Variants in ARHGAP15 observed in about 807,000 individuals in gnomAD.
ARHGAP15 encodes the protein Rho GTPase activating protein 15, also known as rho GTPase-activating protein 15.
In ARHGAP15, 51 loss-of-function variants were observed where a neutral mutation model predicts 63.7. The ratio of observed to expected loss-of-function variants is 0.80; its 90% CI spans 0.64 to 1.01. ARHGAP15 has a LOEUF of 1.01. Among genes scored for constraint, ARHGAP15 ranks in the 50% least tolerant of loss-of-function variants. ARHGAP15 has a pLI of 0.00. For missense variants in ARHGAP15, 560 were observed against 564.6 expected, an observed-to-expected ratio of 0.99 and a Z score of 0.08; for synonymous variants, 191 against 193.8, an observed-to-expected ratio of 0.99 and a Z score of 0.12.
At chr2:143,696,830 A>G (rs756034579) in intron 12 of ARHGAP15, among the ~76,000 whole-genome samples, 1 of 152,228 alleles carries the variant, frequency 6.6e-6, no homozygotes, top group Non-Finnish European at 1.5e-5. Context: ...CTCCCTAGAG[A>G]AAGAAATGTC....
chr2:143,439,736 C>T (rs2105101672), intron 8 of ARHGAP15, among the ~76,000 whole-genome samples: 2 of 152,032 alleles, frequency 1.3e-5, no homozygotes, highest in Non-Finnish European at 2.9e-5. Context: ...GTTTCAAACC[C>T]AAGCAGTCTT....
intron 2 of ARHGAP15, among the ~76,000 whole-genome samples, chr2:143,166,465 G>T (rs774387072): frequency 2.0e-5 from 3 of 151,934 alleles, no homozygotes; most frequent in Non-Finnish European, 4.4e-5. Context: ...TCCTTTGAAG[G>T]CTGGGGACAT....
chr2:143,527,886 G>C (rs557653370), intron 10 of ARHGAP15, among the ~76,000 whole-genome samples: 1 of 152,128 alleles, frequency 6.6e-6, no homozygotes, highest in South Asian at 2.1e-4. Context: ...ATCACCAACA[G>C]TTGTTGGTTG....
chr2:143,658,365 T>G (rs1681568773), intron 12 of ARHGAP15, among the ~76,000 whole-genome samples: 1 of 152,260 alleles, frequency 6.6e-6, no homozygotes, highest in African/African-American at 2.4e-5. Context: ...GCCTATACTC[T>G]TAACCATTAT....
At chr2:143,610,167 T>C (rs141453971) in intron 11 of ARHGAP15, among the ~76,000 whole-genome samples, 2 of 152,196 alleles carry the variant, frequency 1.3e-5, no homozygotes, top group African/African-American at 4.8e-5. Flanking sequence ...CCTCGAATGA[T>C]GGAATTAGAA....
At chr2:143,170,542 C>A (rs573704521) in intron 2 of ARHGAP15, among the ~76,000 whole-genome samples, 24 of 152,184 alleles carry the variant, frequency 1.6e-4, no homozygotes, top group African/African-American at 5.5e-4. Context: ...TGACCCTAAG[C>A]CCTGAAACTC....
intron 6 of ARHGAP15, among the ~76,000 whole-genome samples, chr2:143,287,346 A>T (rs1682156542): frequency 6.6e-6 from 1 of 152,114 alleles, no homozygotes; most frequent in Admixed American, 6.6e-5. Flanking sequence ...CCTTTCTCAA[A>T]ATCCATCTTG....
rs138528034 is a variant in ARHGAP15, at chr2:143,595,154, C to T, written c.1004-28979C>T. Among the ~76,000 whole-genome samples the T allele has an allele frequency of 2.1e-3, 316 of 152,140 alleles. 1 individual carries two copies. Among genetic ancestry groups the T allele is most frequent in the African/African-American group, 6.7e-3 (279 of 41,514 alleles). Reference sequence around the variant, plus strand: ...AAAGCTAAATTGGTAAATACTTATTCGAACATTGTTTAGATTTATCCCATC... The same window carrying T: ...AAAGCTAAATTGGTAAATACTTATTTGAACATTGTTTAGATTTATCCCATC... On this transcript the variant is annotated intron_variant, in intron 11 of 13. Transcript: ENST00000295095.
chr2:143,199,163 TAA>T (rs984305123), intron 2 of ARHGAP15, among the ~76,000 whole-genome samples: 1 of 152,180 alleles, frequency 6.6e-6, no homozygotes, highest in Non-Finnish European at 1.5e-5. Flanking sequence ...GGATAATTAA[TAA>T]GTGTGAATTT....
chr2:143,414,795 T>C (rs1167353187), intron 6 of ARHGAP15, among the ~76,000 whole-genome samples: 1 of 152,052 alleles, frequency 6.6e-6, no homozygotes, highest in African/African-American at 2.4e-5. Flanking sequence ...TAGCCGGGCG[T>C]GGTGGCGCAT....
intron 6 of ARHGAP15, among the ~76,000 whole-genome samples, chr2:143,366,669 A>C (rs1686305710): frequency 6.6e-6 from 1 of 152,096 alleles, no homozygotes; most frequent in Non-Finnish European, 1.5e-5. Context: ...TCAGTTTATT[A>C]TTTGAAGATT....
intron 6 of ARHGAP15, among the ~76,000 whole-genome samples, chr2:143,346,228 A>T (rs1301526101): frequency 7.2e-6 from 1 of 139,502 alleles, no homozygotes; most frequent in Admixed American, 8.4e-5. Flanking sequence ...TCTCACACAC[A>T]CTCTCTCTCA....
intron 10 of ARHGAP15, among the ~76,000 whole-genome samples, chr2:143,547,867 A>G (rs1056427337): frequency 1.3e-5 from 2 of 152,052 alleles, no homozygotes; most frequent in African/African-American, 4.8e-5. Flanking sequence ...TGATAATAGT[A>G]AAAAGCAAGA....
chr2:143,695,480 T>A (rs1683801027), intron 12 of ARHGAP15, among the ~76,000 whole-genome samples: 1 of 152,004 alleles, frequency 6.6e-6, no homozygotes, highest in Non-Finnish European at 1.5e-5. Context: ...AACTGAGGAG[T>A]GCAAGTTTGG....
chr2:143,710,051 G>A (rs1311769468), intron 13 of ARHGAP15, among the ~76,000 whole-genome samples: 3 of 152,158 alleles, frequency 2.0e-5, no homozygotes, highest in African/African-American at 7.2e-5. Flanking sequence ...GTACACTTTG[G>A]TCTTTCACCC....
intron 10 of ARHGAP15, among the ~76,000 whole-genome samples, chr2:143,522,704 A>T (rs907214733): frequency 8.5e-5 from 13 of 152,148 alleles, no homozygotes; most frequent in Admixed American, 7.9e-4. Context: ...AATGAGCTTT[A>T]AAAAATGCAG....
intron 8 of ARHGAP15, among the ~76,000 whole-genome samples, chr2:143,466,824 A>G (rs945744083): frequency 1.3e-5 from 2 of 152,090 alleles, no homozygotes; most frequent in Non-Finnish European, 2.9e-5. Context: ...GGACCAGTTT[A>G]GCAGGTAGAT....
chr2:143,131,600 G>A (rs1396182280), intron 1 of ARHGAP15, among the ~76,000 whole-genome samples: 1 of 152,058 alleles, frequency 6.6e-6, no homozygotes, highest in East Asian at 1.9e-4. Context: ...CCATTCACTG[G>A]CTCCTTCCAT....
At chr2:143,156,057 A>T (rs1196492091) in intron 2 of ARHGAP15, among the ~76,000 whole-genome samples, 2 of 151,782 alleles carry the variant, frequency 1.3e-5, no homozygotes, top group South Asian at 2.1e-4. Context: ...CTCAAAAAAA[A>T]AAATGTGAAA....
Sources: gnomAD v4.1 joint callset for allele counts (sites outside exome capture counted in the v4.1 genomes callset) on GRCh38, gnomAD v4.1.1 for gene constraint, MANE v1.5 for transcripts, NCBI Gene and HGNC (gene_info 2026-07-23, HGNC 2026-07-21) for gene names.